GRIP1: variants seen among roughly 807,000 people sequenced by gnomAD.
GRIP1 encodes glutamate receptor-interacting protein 1.
In GRIP1, 45 loss-of-function variants were observed where a neutral mutation model predicts 129.9. That is an observed-to-expected ratio of 0.35 (90% CI 0.27 to 0.44). The LOEUF is 0.44. GRIP1 is among the 20% of genes least tolerant of loss of function. GRIP1 has a pLI of 1.00. For missense variants in GRIP1, 1,196 were observed against 1,396.8 expected (o/e 0.86, Z 2.29); for synonymous variants, 530 against 520.8 (o/e 1.02, Z -0.24).
intron 1 of GRIP1, among the ~76,000 whole-genome samples, chr12:66,889,238 T>C (rs2040615847): frequency 6.6e-6 from 1 of 152,200 alleles, no homozygotes; most frequent in African/African-American, 2.4e-5. Context: ...GGCAGGTGGC[T>C]TACCTGAGGT....
intron 9 of GRIP1, among the ~76,000 whole-genome samples, chr12:66,458,317 T>C (rs1180812041): frequency 2.6e-5 from 4 of 152,140 alleles, no homozygotes; most frequent in African/African-American, 7.2e-5. Flanking sequence ...ATACCTACCT[T>C]CCACAACATA....
At chr12:66,406,178 C>T in intron 16 of GRIP1, 105 bp downstream of exon 16, 2 of 1,116,772 alleles carry the variant, frequency 1.8e-6, no homozygotes, top group Non-Finnish European at 2.7e-6. Flanking sequence ...AACACTGCTG[C>T]CACATCACTA....
intron 24 of GRIP1, among the ~76,000 whole-genome samples, chr12:66,352,214 C>T (rs191879041): frequency 5.5e-4 from 84 of 152,168 alleles, no homozygotes; most frequent in African/African-American, 1.8e-3. Flanking sequence ...GGTTGTACTG[C>T]GAACCAAGAA....
At chr12:66,388,627 T>TG (rs1270101281) in intron 19 of GRIP1, among the ~76,000 whole-genome samples, 2 of 152,166 alleles carry the variant, frequency 1.3e-5, no homozygotes, top group African/African-American at 2.4e-5. Flanking sequence ...GGCAAGACAA[T>TG]GGGGAGTGAA....
intron 7 of GRIP1, among the ~76,000 whole-genome samples, chr12:66,471,194 C>T (rs750926895): frequency 1.3e-5 from 2 of 152,104 alleles, no homozygotes; most frequent in African/African-American, 4.8e-5. Flanking sequence ...CATCTTTACA[C>T]AAAAATCTTG....
intron 1 of GRIP1, among the ~76,000 whole-genome samples, chr12:67,056,784 G>A (rs1428488056): frequency 6.6e-6 from 1 of 152,030 alleles, no homozygotes. Flanking sequence ...TCCTGTTATG[G>A]ACTGAATGGT....
chr12:66,368,944 A>G (rs2137260575), intron 23 of GRIP1, among the ~76,000 whole-genome samples: 1 of 152,362 alleles, frequency 6.6e-6, no homozygotes, highest in South Asian at 2.1e-4. Flanking sequence ...TTAAAAAAGA[A>G]CAGACACCCA....
chr12:66,451,383 G>GTTTTTTTTTTTTTTTTTTTTTTTT lies in GRIP1; in HGVS notation c.1354+4002_1354+4025dup, dbSNP rs1169331519. ...CCCCAAAGATTTATTATTATAATCT[G>GTTTTTTTTTTTTTTTTTTTTTTTT]TTTTTTTTTTTTTTTTTTTTTTTTT... On this transcript the variant is annotated intron_variant, in intron 11 of 24. Transcript: ENST00000359742. Among the ~76,000 whole-genome samples, 13 of 42,656 alleles carry GTTTTTTTTTTTTTTTTTTTTTTTT rather than the reference G, an allele frequency of 3.0e-4. 4 individuals are homozygous for GTTTTTTTTTTTTTTTTTTTTTTTT. The highest frequency in any genetic ancestry group is 5.5e-4 in the African/African-American group (5 of 9,086). 28.0% of individuals were successfully genotyped at this position (42,656 alleles called of 152,430 possible). A position where few individuals can be genotyped will look rare whatever the true frequency, so the allele number is the denominator to read the frequency against.
chr12:66,398,855 C>T (rs1341569762), intron 16 of GRIP1, among the ~76,000 whole-genome samples: 4 of 151,898 alleles, frequency 2.6e-5, no homozygotes, highest in Non-Finnish European at 5.9e-5. Context: ...CTAGCATATG[C>T]CTTTCACTCT....
intron 1 of GRIP1, among the ~76,000 whole-genome samples, chr12:66,931,844 C>G (rs2041401141): frequency 6.6e-6 from 1 of 152,092 alleles, no homozygotes; most frequent in Non-Finnish European, 1.5e-5. Context: ...TTCAGGACCT[C>G]TCTTTTTAAT....
intron 1 of GRIP1, among the ~76,000 whole-genome samples, chr12:66,825,963 T>A (rs1433900042): frequency 6.6e-6 from 1 of 152,182 alleles, no homozygotes; most frequent in Non-Finnish European, 1.5e-5. Flanking sequence ...ACTGGATATA[T>A]ACCCAAAGGA....
chr12:66,614,537 C>T lies in GRIP1; in HGVS notation c.56-17610G>A, dbSNP rs774932563. Among the ~76,000 whole-genome samples, 11 of 152,078 alleles carry T rather than the reference C, an allele frequency of 7.2e-5. No homozygotes were observed. The East Asian group carries it at 1.4e-3, about 19-fold the overall frequency. On this transcript the variant is annotated intron_variant, in intron 1 of 24. Coordinates refer to ENST00000359742, the MANE Select transcript of GRIP1 (RefSeq NM_001366722.1). ...CCACTTACACTGTTACCACCCTGGT[C>T]GATGCCACCATCACCTCTTGCCTGC...
chr12:66,551,185 G>C (rs569129959), intron 2 of GRIP1, among the ~76,000 whole-genome samples: 1 of 152,232 alleles, frequency 6.6e-6, no homozygotes, highest in Non-Finnish European at 1.5e-5. Flanking sequence ...ATTTATAATT[G>C]CCAGACTCTG....
chr12:66,946,512 T>C (rs548801164), intron 1 of GRIP1, among the ~76,000 whole-genome samples: 8 of 151,898 alleles, frequency 5.3e-5, no homozygotes, highest in Non-Finnish European at 1.2e-4. Context: ...TTTCAAACAG[T>C]GGTACCAGGA....
chr12:66,543,134 T>C (rs140766037), intron 2 of GRIP1, among the ~76,000 whole-genome samples: 285 of 152,230 alleles, frequency 1.9e-3, no homozygotes, highest in African/African-American at 6.6e-3. Flanking sequence ...TCTCAACTGA[T>C]CTAGTGAGGA....
chr12:66,746,368 A>G (rs1341856187), intron 1 of GRIP1, among the ~76,000 whole-genome samples: 4 of 152,204 alleles, frequency 2.6e-5, no homozygotes, highest in Admixed American at 2.0e-4. Context: ...CAGCATTGGC[A>G]TCTCCTGGAA....
At chr12:66,464,950 C>CTTTTTTTT (rs1565768619) in intron 8 of GRIP1, among the ~76,000 whole-genome samples, 1 of 118,188 alleles carries the variant, frequency 8.5e-6, no homozygotes, top group Admixed American at 7.6e-5. Flanking sequence ...TTCTTTCTTT[C>CTTTTTTTT]TTTCTTTTTT....
intron 1 of GRIP1, among the ~76,000 whole-genome samples, chr12:66,850,386 CT>C (rs987101879): frequency 2.0e-5 from 3 of 152,138 alleles, no homozygotes; most frequent in Non-Finnish European, 2.9e-5. Context: ...GAATGTTCCT[CT>C]GTTGAATAAT....
chr12:66,844,145 T>C (rs547458843), intron 1 of GRIP1, among the ~76,000 whole-genome samples: 8 of 152,234 alleles, frequency 5.3e-5, no homozygotes, highest in African/African-American at 1.9e-4. Flanking sequence ...AAGACTTGAA[T>C]AGACATTCTT....
Sources: gnomAD v4.1 joint callset for allele counts (sites outside exome capture counted in the v4.1 genomes callset) on GRCh38, gnomAD v4.1.1 for gene constraint, MANE v1.5 for transcripts, NCBI Gene and HGNC (gene_info 2026-07-23, HGNC 2026-07-21) for gene names.